PHF24: variants seen among roughly 807,000 people sequenced by gnomAD.
The protein encoded by PHF24 is Galpha inhibitory interacting protein.
A neutral mutation model predicts 42.6 loss-of-function variants in PHF24; 25 were observed. The ratio of observed to expected loss-of-function variants is 0.59; its 90% CI spans 0.43 to 0.82. The LOEUF (loss-of-function observed/expected upper bound fraction) is 0.82, where lower values mean the gene tolerates loss of function less well. Ranked by LOEUF, PHF24 falls within the 40% of genes least tolerant of loss-of-function variation. The probability of loss-of-function intolerance (pLI) is 0.00; values close to 1 mark genes in which losing one functional copy is unlikely to be tolerated. For missense variants in PHF24, 470 were observed against 538.1 expected (o/e 0.87, Z 1.25); for synonymous variants, 185 against 204.8 (o/e 0.90, Z 0.83).
At position 34,976,612 on chromosome 9, in the gene PHF24, A is replaced by G. The variant is rs1317735982; in HGVS notation, c.721A>G (p.Ser241Gly). The G allele has an allele frequency of 3.1e-6, 5 of 1,614,134 alleles. No individual in the cohort carries two copies. Among genetic ancestry groups the G allele is most frequent in the Non-Finnish European group, 4.2e-6 (5 of 1,179,976 alleles). ...GCGGGGGGACCGTGACAGGGCCCTG[A>G]GTGAGGAGCAAGAAGAGCAGGCGGC... Residue 241 changes from serine (S) to glycine (G), a missense_variant, in exon 5 of 8, where the codon AGT becomes GGT. Coordinates refer to ENST00000242315, the Ensembl canonical transcript of PHF24.
At chr9:34,835,545 G>A in the PHF24 span, 1 of 1,551,812 alleles carries the variant, frequency 6.4e-7, no homozygotes, top group Non-Finnish European at 8.7e-7. Flanking sequence ...AAATTCAAGT[G>A]ATGCTGGCCT....
the PHF24 span, among the ~76,000 whole-genome samples, chr9:34,921,704 A>G: frequency 1.3e-5 from 2 of 152,216 alleles, no homozygotes; most frequent in South Asian, 2.1e-4. Context: ...ACAGATATAC[A>G]TGGTTTAACA....
At chr9:34,717,702 G>A in the PHF24 span, among the ~76,000 whole-genome samples, 7 of 152,340 alleles carry the variant, frequency 4.6e-5, no homozygotes, top group South Asian at 1.5e-3. Flanking sequence ...GTCTGAGGTG[G>A]CCTAGAGGAT....
the PHF24 span, among the ~76,000 whole-genome samples, chr9:34,881,601 G>GA: frequency 1.8e-4 from 28 of 152,234 alleles, no homozygotes; most frequent in Non-Finnish European, 2.2e-4. Flanking sequence ...AAATAAACTA[G>GA]AAAATCTAGA....
chr9:34,697,354 C>T, the PHF24 span, among the ~76,000 whole-genome samples: 1 of 152,078 alleles, frequency 6.6e-6, no homozygotes, highest in Admixed American at 6.6e-5. Context: ...GAGTCTTGCT[C>T]TGTCACCCAG....
chr9:34,789,330 A>G, the PHF24 span, among the ~76,000 whole-genome samples: 1 of 152,002 alleles, frequency 6.6e-6, no homozygotes. Flanking sequence ...TCTGCTCTCT[A>G]TTTTCCTTCA....
the PHF24 span, among the ~76,000 whole-genome samples, chr9:34,884,967 C>T: frequency 6.6e-6 from 1 of 152,194 alleles, no homozygotes; most frequent in Admixed American, 6.5e-5. Context: ...AGGGGAAGGA[C>T]CTGCTCCACC....
chr9:34,800,268 G>A, the PHF24 span, among the ~76,000 whole-genome samples: 1 of 152,124 alleles, frequency 6.6e-6, no homozygotes, highest in Admixed American at 6.5e-5. Context: ...CTAAGGTGAT[G>A]GCATTTATAA....
chr9:34,833,071 G>T, the PHF24 span: 10 of 1,531,000 alleles, frequency 6.5e-6, no homozygotes, highest in African/African-American at 1.6e-5. Flanking sequence ...CTTCAGCAGG[G>T]CGTCTCTCTT....
At chr9:34,911,106 G>GA in the PHF24 span, among the ~76,000 whole-genome samples, 1 of 152,014 alleles carries the variant, frequency 6.6e-6, no homozygotes, top group African/African-American at 2.4e-5. Context: ...TTACAGGCAT[G>GA]AGCCACCATG....
At chr9:34,757,668 A>T in the PHF24 span, among the ~76,000 whole-genome samples, 2 of 151,678 alleles carry the variant, frequency 1.3e-5, no homozygotes, top group Non-Finnish European at 2.9e-5. Context: ...TTCTAGGTGG[A>T]TGCAAAAGTG....
chr9:34,781,857 C>T, the PHF24 span, among the ~76,000 whole-genome samples: 1 of 152,150 alleles, frequency 6.6e-6, no homozygotes, highest in South Asian at 2.1e-4. Flanking sequence ...TTGGTAAGTA[C>T]AGCAGTTATC....
At chr9:34,696,286 G>T in the PHF24 span, among the ~76,000 whole-genome samples, 1 of 152,012 alleles carries the variant, frequency 6.6e-6, no homozygotes, top group African/African-American at 2.4e-5. Flanking sequence ...TCAGGAGTTT[G>T]AGACCAGCTT....
chr9:34,972,765 T>C (rs912795368), intron 3 of PHF24, among the ~76,000 whole-genome samples: 2 of 151,910 alleles, frequency 1.3e-5, no homozygotes, highest in Admixed American at 6.6e-5. Context: ...AATACAAAAA[T>C]TAGCTGGGCG....
the PHF24 span, among the ~76,000 whole-genome samples, chr9:34,730,406 A>T: frequency 8.4e-3 from 863 of 102,580 alleles, 3 homozygotes; most frequent in Non-Finnish European, 0.015. Context: ...CTGCTCTGGT[A>T]ATGGTGGTCT....
the PHF24 span, among the ~76,000 whole-genome samples, chr9:34,937,493 C>T: frequency 6.6e-6 from 1 of 152,094 alleles, no homozygotes; most frequent in East Asian, 1.9e-4. Context: ...TCTCAAGTAC[C>T]CAGGGACACA....
chr9:34,838,371 T>G, the PHF24 span: 1 of 965,696 alleles, frequency 1.0e-6, no homozygotes, highest in South Asian at 1.4e-5. Context: ...TCCTTTCAAC[T>G]TCCAAGTTCA....
chr9:34,931,311 G>T, the PHF24 span, among the ~76,000 whole-genome samples: 1 of 146,758 alleles, frequency 6.8e-6, no homozygotes, highest in Non-Finnish European at 1.5e-5. Flanking sequence ...GAGAGGCGGA[G>T]CTTGCAGTGA....
At chr9:34,973,994 C>A (rs988187711) in intron 3 of PHF24, among the ~76,000 whole-genome samples, 2 of 151,946 alleles carry the variant, frequency 1.3e-5, no homozygotes, top group African/African-American at 4.8e-5. Context: ...TCACAGCCAA[C>A]AAATCTTCTT....
Sources: allele counts gnomAD v4.1 joint callset (sites outside exome capture counted in the v4.1 genomes callset), GRCh38; gene constraint gnomAD v4.1.1; transcripts MANE v1.5; gene names NCBI Gene and HGNC (gene_info 2026-07-23, HGNC 2026-07-21).